Variants in NLRP11 observed in about 807,000 individuals in gnomAD.
The protein encoded by NLRP11 is NACHT, LRR and PYD domains-containing protein 11.
NLRP11 carries 53 observed loss-of-function variants against 79.3 expected under a neutral mutation model. That is an observed-to-expected ratio of 0.67 (90% CI 0.54 to 0.84). NLRP11 has a LOEUF of 0.84. Ranked by LOEUF, NLRP11 falls within the 40% of genes least tolerant of loss-of-function variation. NLRP11 has a pLI of 0.00. For missense variants in NLRP11, 1,264 were observed against 1,255.0 expected (o/e 1.01, Z -0.11); for synonymous variants, 518 against 462.6 (o/e 1.12, Z -1.54).
chr19:55,788,904 C>T lies in NLRP11; in HGVS notation c.2758G>A (p.Glu920Lys), dbSNP rs547722191. 5 of 1,614,002 alleles carry T rather than the reference C, an allele frequency of 3.1e-6. No homozygotes were observed. The South Asian group carries it at 3.3e-5, about 11-fold the overall frequency. ...TGATTTTGAAGCAAGTTGAGTCTTT[C>T]TAGTGTTTTGTTGGTGGTAAGAACA... The change falls in exon 9 of 10, where the codon GAA (glutamate) becomes AAA (lysine). Residue 920 changes from glutamate to lysine, a missense_variant. Transcript: ENST00000589093.
intron 2 of NLRP11, 47 bp from the exon 3 acceptor site, chr19:55,810,385 T>G: frequency 6.6e-7 from 1 of 1,524,012 alleles, no homozygotes; most frequent in African/African-American, 1.4e-5. Flanking sequence ...AAGATGAAAG[T>G]TCAAGATGTA....
intron 1 of NLRP11, among the ~76,000 whole-genome samples, chr19:55,831,123 C>T (rs1005128204): frequency 1.5e-5 from 2 of 130,156 alleles, no homozygotes; most frequent in African/African-American, 5.5e-5. Flanking sequence ...CCCCCACCCC[C>T]CCGCCCACAA....
exon 10 of NLRP11, chr19:55,785,584 C>A (rs774826466): frequency 6.4e-7 from 1 of 1,567,262 alleles, no homozygotes; most frequent in Non-Finnish European, 8.7e-7. Context: ...ATCCCAGTCA[C>A]GGTAGTAATT....
At chr19:55,806,370 C>T (rs1318913455) in intron 4 of NLRP11, among the ~76,000 whole-genome samples, 2 of 152,232 alleles carry the variant, frequency 1.3e-5, no homozygotes, top group African/African-American at 4.8e-5. Flanking sequence ...CAGATTCTGG[C>T]TCTCGCCGTC....
At chr19:55,821,511 A>G (rs1243743428) in intron 1 of NLRP11, among the ~76,000 whole-genome samples, 1 of 152,228 alleles carries the variant, frequency 6.6e-6, no homozygotes, top group Admixed American at 6.5e-5. Context: ...CAACTAGGGG[A>G]TGGCATTCAA....
exon 10 of NLRP11, chr19:55,785,492 GTCACACACACACAC>G (rs1381195054): frequency 1.3e-4 from 88 of 652,830 alleles, no homozygotes; most frequent in Middle Eastern, 4.4e-4. Context: ...CTGGATCAAG[GTCACACACACACAC>G]ACACACACAC....
At chr19:55,829,623 C>T (rs926489033) in intron 1 of NLRP11, among the ~76,000 whole-genome samples, 24 of 132,160 alleles carry the variant, frequency 1.8e-4, no homozygotes, top group African/African-American at 4.0e-4. Flanking sequence ...GCCGAGATGG[C>T]GCCACTGCAC....
chr19:55,795,726 G>A (rs1166462104), intron 6 of NLRP11, among the ~76,000 whole-genome samples: 1 of 152,042 alleles, frequency 6.6e-6, no homozygotes, highest in African/African-American at 2.4e-5. Context: ...CTGACCTTGT[G>A]ATCCGCCTGC....
At chr19:55,796,055 G>A in intron 6 of NLRP11, 25 bp downstream of exon 6, 4 of 1,591,052 alleles carry the variant, frequency 2.5e-6, no homozygotes, top group Non-Finnish European at 3.4e-6. Context: ...GCTTCTACGT[G>A]GTGAGCTCGT....
chr19:55,831,149 C>T (rs1470887495), intron 1 of NLRP11, among the ~76,000 whole-genome samples: 6 of 134,648 alleles, frequency 4.5e-5, no homozygotes, highest in Non-Finnish European at 6.4e-5. Context: ...TGAGCGGACC[C>T]CCTCCTGGCC....
At chr19:55,789,384 G>T (rs761682058) in exon 8 of NLRP11, 1 of 1,613,384 alleles carries the variant, frequency 6.2e-7, no homozygotes, top group East Asian at 2.2e-5. Context: ...CGCTGCTAAA[G>T]AAACAGCCAG....
chr19:55,785,691 A>G, exon 10 of NLRP11: 2 of 1,613,998 alleles, frequency 1.2e-6, no homozygotes, highest in Middle Eastern at 3.3e-4. Context: ...GAAATTTGAA[A>G]AACATGTAAT....
intron 5 of NLRP11, among the ~76,000 whole-genome samples, chr19:55,797,994 T>TTG: frequency 8.2e-6 from 1 of 122,436 alleles, no homozygotes; most frequent in Non-Finnish European, 1.8e-5. Flanking sequence ...TTCTATATTA[T>TTG]TATTATTTTT....
In NLRP11 at chr19:55,822,883, A is replaced by G. The variant is rs895132373; in HGVS notation, c.-62-4647T>C. Among the ~76,000 whole-genome samples, 1,116 of 152,350 alleles carry G rather than the reference A, an allele frequency of 7.3e-3. 10 individuals carry two copies. Among genetic ancestry groups the G allele is most frequent in the Admixed American group, 0.013 (196 of 15,304 alleles). The stretch of plus-strand genomic sequence containing the variant: ...GCTTGATTAGGTAAACAAAGCAGCC[A>G]GGAAGCTGGAACTGGGGGGAGCCCA... On this transcript the variant is annotated intron_variant, in intron 1 of 9. Coordinates refer to ENST00000589093, the Ensembl canonical transcript of NLRP11.
intron 5 of NLRP11, among the ~76,000 whole-genome samples, chr19:55,796,599 C>G (rs1040364473): frequency 6.6e-6 from 1 of 152,124 alleles, no homozygotes; most frequent in Non-Finnish European, 1.5e-5. Context: ...GATCAAGACC[C>G]TCAACTTACC....
exon 1 of NLRP11, chr19:55,831,980 C>G (rs576715760): frequency 6.6e-6 from 1 of 152,398 alleles, no homozygotes; most frequent in South Asian, 2.1e-4. Flanking sequence ...GCCACCAGGT[C>G]TCCTTGGCTG....
At chr19:55,795,650 C>A (rs370263004) in intron 6 of NLRP11, among the ~76,000 whole-genome samples, 3 of 152,004 alleles carry the variant, frequency 2.0e-5, no homozygotes, top group Non-Finnish European at 2.9e-5. Flanking sequence ...CCACCACGCC[C>A]GGCTAATTTT....
chr19:55,817,093 C>T (rs1014549744), intron 2 of NLRP11, among the ~76,000 whole-genome samples: 3 of 152,082 alleles, frequency 2.0e-5, no homozygotes, highest in Non-Finnish European at 2.9e-5. Flanking sequence ...TGCTCAACAT[C>T]GCTAATGACC....
At position 55,809,793 on chromosome 19, in the gene NLRP11, A is replaced by C; in HGVS notation, c.817T>G (p.Phe273Val). 1 of 1,614,156 alleles carries C rather than the reference A, an allele frequency of 6.2e-7. No individual in the cohort carries two copies. The highest frequency in any genetic ancestry group is 2.2e-5 in the East Asian group (1 of 44,880). The change falls in exon 3 of 10, where the codon TTC becomes GTC. Residue 273 changes from phenylalanine (F) to valine (V), a missense_variant. Transcript: ENST00000589093. The surrounding 1 kb of genome is among the most constrained non-coding windows in gnomAD (Gnocchi z 4.5). ...CGTGTGGGCCTTGAGGAGATGAGGA[A>C]CCAGCAGCCTGGAGCCATTTTTCTC...
Sources: allele counts gnomAD v4.1 joint callset (sites outside exome capture counted in the v4.1 genomes callset), GRCh38; gene constraint gnomAD v4.1.1; non-coding constraint Gnocchi (gnomAD v3.1); transcripts MANE v1.5; gene names NCBI Gene and HGNC (gene_info 2026-07-23, HGNC 2026-07-21).